The following AUTS2 variants were observed in gnomAD, a reference collection of about 807,000 sequenced individuals.
AUTS2 encodes the protein activator of transcription and developmental regulator AUTS2, also known as autism susceptibility gene 2 protein.
A neutral mutation model predicts 112.4 loss-of-function variants in AUTS2; 17 were observed. That is an observed-to-expected ratio of 0.15 (90% confidence interval 0.10 to 0.23). AUTS2 has a LOEUF of 0.23. AUTS2 is among the 10% of genes least tolerant of loss of function. The pLI is 1.00. For missense variants in AUTS2, 1,510 were observed against 1,701.6 expected (o/e 0.89, Z 1.98); for synonymous variants, 751 against 702.7 (o/e 1.07, Z -1.09).
At chr7:70,724,666 C>T (rs987350782) in intron 6 of AUTS2, among the ~76,000 whole-genome samples, 12 of 151,450 alleles carry the variant, frequency 7.9e-5, no homozygotes, top group Non-Finnish European at 1.2e-4. Context: ...AGGATGGTCT[C>T]GATCTCCTGA....
At chr7:70,738,268 C>G (rs916295524) in intron 6 of AUTS2, among the ~76,000 whole-genome samples, 2 of 152,126 alleles carry the variant, frequency 1.3e-5, no homozygotes, top group African/African-American at 4.8e-5. Context: ...GGTGCTAGAA[C>G]CTGTAACTCC....
intron 4 of AUTS2, among the ~76,000 whole-genome samples, chr7:70,168,688 G>A (rs1033816750): frequency 1.1e-4 from 16 of 152,204 alleles, no homozygotes; most frequent in African/African-American, 3.9e-4. Context: ...ATAGCAGTAA[G>A]AGTATGAATT....
intron 1 of AUTS2, among the ~76,000 whole-genome samples, chr7:69,895,798 T>C (rs1334151408): frequency 6.6e-6 from 1 of 152,244 alleles, no homozygotes; most frequent in Non-Finnish European, 1.5e-5. Context: ...TAATTTTCAA[T>C]ATACTTTGGA....
intron 2 of AUTS2, among the ~76,000 whole-genome samples, chr7:70,003,105 A>G (rs1799273819): frequency 6.9e-6 from 1 of 145,828 alleles, no homozygotes; most frequent in East Asian, 2.0e-4. Flanking sequence ...TCAGTTCCAG[A>G]CATATTTTTG....
chr7:69,643,782 C>T (rs900132612), intron 1 of AUTS2, among the ~76,000 whole-genome samples: 3 of 152,124 alleles, frequency 2.0e-5, no homozygotes, highest in Admixed American at 6.5e-5. Flanking sequence ...TCTCCACCCC[C>T]CAAATTCGTA....
chr7:70,470,647 G>GT (rs768488652), intron 5 of AUTS2, among the ~76,000 whole-genome samples: 1 of 152,190 alleles, frequency 6.6e-6, no homozygotes, highest in Non-Finnish European at 1.5e-5. Context: ...ACTTAAGTCA[G>GT]TAAATGGACA....
At chr7:70,546,232 T>G (rs1005309285) in intron 5 of AUTS2, among the ~76,000 whole-genome samples, 17 of 148,794 alleles carry the variant, frequency 1.1e-4, no homozygotes, top group Non-Finnish European at 1.5e-5. Context: ...TTACTTGAGG[T>G]CAGGATTTCC....
At chr7:70,618,523 T>G (rs1302627075) in intron 5 of AUTS2, among the ~76,000 whole-genome samples, 1 of 152,226 alleles carries the variant, frequency 6.6e-6, no homozygotes, top group Non-Finnish European at 1.5e-5. Flanking sequence ...ATATTGTATA[T>G]TTCATATCCA....
chr7:70,596,861 TC>T (rs1399267431), intron 5 of AUTS2: 5 of 150,900 alleles, frequency 3.3e-5, no homozygotes, highest in African/African-American at 1.2e-4. Context: ...GGCAGAATTT[TC>T]TTTAAGCACA....
At chr7:70,436,200 G>A (rs977631752) in intron 5 of AUTS2, 3 of 159,620 alleles carry the variant, frequency 1.9e-5, no homozygotes, top group African/African-American at 7.2e-5. Flanking sequence ...GTACCTATTG[G>A]CCTTCTTGAT....
intron 2 of AUTS2, among the ~76,000 whole-genome samples, chr7:69,982,471 A>G (rs1397959611): frequency 1.3e-5 from 2 of 149,176 alleles, no homozygotes; most frequent in Admixed American, 6.7e-5. Flanking sequence ...CTGAGGGGGG[A>G]AAAAAAACGT....
intron 5 of AUTS2, among the ~76,000 whole-genome samples, chr7:70,546,930 G>A (rs1173840278): frequency 6.6e-6 from 1 of 152,100 alleles, no homozygotes; most frequent in Non-Finnish European, 1.5e-5. Flanking sequence ...TTGCTTTGTT[G>A]TTTTGTGTGT....
In AUTS2 at chr7:70,685,522, C is replaced by A. The variant is rs551882646; in HGVS notation, c.691-13047C>A. Among the ~76,000 whole-genome samples, 22 of 151,420 alleles carry A rather than the reference C, an allele frequency of 1.5e-4. No individual in the cohort carries two copies. In the East Asian group the frequency reaches 3.9e-3, roughly 27 times the overall value. ...GAAGAAAAAAGAGAAATAGTTCTCC[C>A]TCAGTAGTCCTCCCTCAAACTGAGC... On this transcript the variant is annotated intron_variant, in intron 5 of 18. Coordinates refer to ENST00000342771, the MANE Select transcript of AUTS2 (RefSeq NM_015570.4).
At chr7:70,272,412 C>T (rs750793168) in intron 4 of AUTS2, among the ~76,000 whole-genome samples, 2 of 152,138 alleles carry the variant, frequency 1.3e-5, no homozygotes, top group Non-Finnish European at 2.9e-5. Flanking sequence ...GTTCAATAAA[C>T]ATTTAGATGA....
intron 1 of AUTS2, among the ~76,000 whole-genome samples, chr7:69,815,201 T>C (rs181032234): frequency 5.9e-5 from 9 of 152,316 alleles, no homozygotes; most frequent in Admixed American, 2.0e-4. Flanking sequence ...AGAAAATGGA[T>C]ATATTTTCTG....
intron 1 of AUTS2, among the ~76,000 whole-genome samples, chr7:69,651,967 A>G (rs1033071298): frequency 6.6e-6 from 1 of 152,134 alleles, no homozygotes; most frequent in African/African-American, 2.4e-5. Context: ...TTTTTAGATT[A>G]TTGTTCAAAG....
At chr7:69,651,030 A>G (rs1163399943) in intron 1 of AUTS2, among the ~76,000 whole-genome samples, 2 of 152,164 alleles carry the variant, frequency 1.3e-5, no homozygotes, top group African/African-American at 4.8e-5. Context: ...TGAAAGGGAT[A>G]CTTTTTTAAC....
chr7:70,518,068 C>T (rs115104402), intron 5 of AUTS2, among the ~76,000 whole-genome samples: 208 of 152,302 alleles, frequency 1.4e-3, no homozygotes, highest in African/African-American at 4.9e-3. Flanking sequence ...GTTTGCTTCC[C>T]TGTTTATGTC....
intron 1 of AUTS2, among the ~76,000 whole-genome samples, chr7:69,885,261 A>G (rs1224158474): frequency 6.6e-6 from 1 of 152,212 alleles, no homozygotes; most frequent in African/African-American, 2.4e-5. Flanking sequence ...TATGGAATTC[A>G]GGGTCTAGAG....
Sources: gnomAD v4.1 joint callset for allele counts (sites outside exome capture counted in the v4.1 genomes callset) on GRCh38, gnomAD v4.1.1 for gene constraint, MANE v1.5 for transcripts, NCBI Gene and HGNC (gene_info 2026-07-23, HGNC 2026-07-21) for gene names.